The following LINGO3 variants were observed in gnomAD, a reference collection of about 807,000 sequenced individuals.
LINGO3 encodes leucine rich repeat and Ig domain containing 3.
For synonymous variants in LINGO3, 427 were observed against 444.2 expected (o/e 0.96, Z 0.49); for missense variants, 750 against 867.7 (o/e 0.86, Z 1.70).
At chr19:2,298,761 G>A in the LINGO3 span, among the ~76,000 whole-genome samples, 9 of 151,884 alleles carry the variant, frequency 5.9e-5, no homozygotes, top group East Asian at 1.9e-4. Flanking sequence ...GGCTGGTCTC[G>A]AACTCCTGAC....
chr19:2,288,339 A>T (rs3764603), downstream of LINGO3, among the ~76,000 whole-genome samples: 15,235 of 152,232 alleles, frequency 0.1, 997 homozygotes, highest in South Asian at 0.14. This position sits in a 1 kb window ranked among gnomAD's most constrained non-coding sequence, Gnocchi z 6.5. Flanking sequence ...CACCGCACGT[A>T]GCCGGGATCC....
downstream of LINGO3, among the ~76,000 whole-genome samples, chr19:2,288,627 G>T (rs1331842939): frequency 6.6e-6 from 1 of 152,198 alleles, no homozygotes; most frequent in African/African-American, 2.4e-5. This position sits in a 1 kb window ranked among gnomAD's most constrained non-coding sequence, Gnocchi z 6.5. Context: ...GGAGGCGGAG[G>T]GCTGGGGTGA....
chr19:2,300,775 A>C, the LINGO3 span, among the ~76,000 whole-genome samples: 1 of 151,892 alleles, frequency 6.6e-6, no homozygotes, highest in Non-Finnish European at 1.5e-5. Context: ...CCCAACATTC[A>C]ACGCGCTCCT....
chr19:2,307,403 T>C, the LINGO3 span, among the ~76,000 whole-genome samples: 1 of 152,204 alleles, frequency 6.6e-6, no homozygotes, highest in Non-Finnish European at 1.5e-5. Context: ...CACGAGGTGC[T>C]GCTCCCCTAA....
the LINGO3 span, among the ~76,000 whole-genome samples, chr19:2,303,652 C>T: frequency 1.3e-5 from 2 of 152,222 alleles, no homozygotes; most frequent in Admixed American, 6.5e-5. Flanking sequence ...TTGGAAGGCG[C>T]GTCCAGCTCT....
At chr19:2,305,303 C>A in the LINGO3 span, among the ~76,000 whole-genome samples, 1 of 152,042 alleles carries the variant, frequency 6.6e-6, no homozygotes, top group Non-Finnish European at 1.5e-5. Flanking sequence ...CACAGCAGGA[C>A]CTGGGCAATG....
the LINGO3 span, among the ~76,000 whole-genome samples, chr19:2,299,914 G>C: frequency 6.6e-6 from 1 of 151,012 alleles, no homozygotes; most frequent in Admixed American, 6.6e-5. Flanking sequence ...TAGCAGAGAT[G>C]GGGTTTCACC....
upstream of LINGO3, among the ~76,000 whole-genome samples, chr19:2,293,651 C>T (rs770862277): frequency 4.8e-4 from 73 of 151,976 alleles, no homozygotes; most frequent in Non-Finnish European, 8.1e-4. Flanking sequence ...TGAGCCACCG[C>T]GCCCGTCCGT....
chr19:2,296,302 T>A (rs2145092621), upstream of LINGO3, among the ~76,000 whole-genome samples: 1 of 151,996 alleles, frequency 6.6e-6, no homozygotes, highest in African/African-American at 2.4e-5. Context: ...AGCCCAGGTG[T>A]GGCGGCTCAC....
At chr19:2,300,023 CTTTTTTTTT>C in the LINGO3 span, among the ~76,000 whole-genome samples, 4 of 95,866 alleles carry the variant, frequency 4.2e-5, no homozygotes, top group Admixed American at 1.5e-4. Flanking sequence ...TGCCTGGCCT[CTTTTTTTTT>C]TTTTTTTTTT....
chr19:2,290,255 C>T lies in LINGO3; in HGVS notation c.1522G>A (p.Gly508Ser). Residue 508 changes from glycine (G) to serine (S), a missense_variant, in exon 1 of 1, where the codon GGC (glycine) becomes AGC (serine). Physicochemically the swap from Gly to Ser is moderately conservative, Grantham distance 56 (BLOSUM62 0). Transcript: ENST00000585527. This position sits in a 1 kb window ranked among gnomAD's most constrained non-coding sequence, Gnocchi z 6.0. ...GCCAGCGTCTCGTTGTGGGCCTCGC[C>T]CGGGGTCCGGTTGGCGGCCGGCTCG... The T allele has an allele frequency of 3.1e-6, 5 of 1,601,452 alleles. No homozygotes were observed. The highest frequency in any genetic ancestry group is 4.2e-6 in the Non-Finnish European group (5 of 1,177,360).
At chr19:2,291,844 G>A (rs951828613) in exon 1 of LINGO3, 2 of 1,344,202 alleles carry the variant, frequency 1.5e-6, no homozygotes, top group South Asian at 1.2e-5. Context: ...CGGGGAGCGG[G>A]CAGCGTTAGC....
chr19:2,308,148 C>CGCCGCA, the LINGO3 span, among the ~76,000 whole-genome samples: 16 of 141,138 alleles, frequency 1.1e-4, no homozygotes, highest in Non-Finnish European at 1.7e-4. Context: ...GAGCAGCCGC[C>CGCCGCA]GCCGCCGCCG....
At chr19:2,299,665 C>T in the LINGO3 span, among the ~76,000 whole-genome samples, 3 of 149,774 alleles carry the variant, frequency 2.0e-5, no homozygotes, top group Admixed American at 2.0e-4. Context: ...ACCTGGTGAT[C>T]CGCCCGCCTC....
chr19:2,305,226 G>C, the LINGO3 span, among the ~76,000 whole-genome samples: 19 of 152,024 alleles, frequency 1.2e-4, no homozygotes, highest in Admixed American at 1.2e-3. Flanking sequence ...TCTCCTTGGG[G>C]TCTGAGATCT....
exon 1 of LINGO3, chr19:2,291,627 G>A: frequency 1.4e-6 from 2 of 1,461,756 alleles, no homozygotes; most frequent in East Asian, 2.8e-5. Context: ...CCGGGATGCC[G>A]TCGGGCACGG....
Position 2,290,044 on chromosome 19 carries a change from G to A in LINGO3, c.1733C>T (p.Ala578Val). 1 of 1,550,612 alleles carries A rather than the reference G, an allele frequency of 6.4e-7. No individual in the cohort carries two copies. The highest frequency in any genetic ancestry group is 8.7e-7 in the Non-Finnish European group (1 of 1,147,502). ...CTTGCGCGCGCCTCCCTGGCCCGCCGCGGCGGCCGGCCCATCCACCTTGCG... is the reference window on the plus strand; with the variant it reads ...CTTGCGCGCGCCTCCCTGGCCCGCCACGGCGGCCGGCCCATCCACCTTGCG... Residue 578 changes from alanine (A) to valine (V), a missense_variant, in exon 1 of 1, where the codon GCG (alanine) becomes GTG (valine). Transcript: ENST00000585527. The surrounding 1 kb of genome is among the most constrained non-coding windows in gnomAD (Gnocchi z 6.0).
chr19:2,292,057 G>A (rs2025530269), upstream of LINGO3: 1 of 416,238 alleles, frequency 2.4e-6, no homozygotes, highest in South Asian at 1.9e-5. Flanking sequence ...ATGTGGTGGT[G>A]TAGGCCTGTG....
chr19:2,289,975 G>A, exon 1 of LINGO3: 1 of 1,484,162 alleles, frequency 6.7e-7, no homozygotes, highest in Non-Finnish European at 9.0e-7. Flanking sequence ...GGAGGGGAGG[G>A]GAGGGTCCGC....
Sources: gnomAD v4.1 joint callset for allele counts (sites outside exome capture counted in the v4.1 genomes callset) on GRCh38, gnomAD v4.1.1 for gene constraint, Gnocchi (gnomAD v3.1) non-coding constraint, MANE v1.5 for transcripts, NCBI Gene and HGNC (gene_info 2026-07-23, HGNC 2026-07-21) for gene names.